ANO4: variants seen among roughly 807,000 people sequenced by gnomAD.
ANO4 encodes anoctamin 4, also known as anoctamin-4.
In ANO4, 69 loss-of-function variants were observed where a neutral mutation model predicts 141.9. The observed-to-expected ratio is 0.49, with a 90% CI of 0.40 to 0.59. The LOEUF is 0.59. ANO4 is among the 20% of genes least tolerant of loss of function. The pLI, the probability that ANO4 is intolerant of heterozygous loss-of-function variation, is 0.00. For synonymous variants in ANO4, 350 were observed against 394.3 expected (o/e 0.89, Z 1.33); for missense variants, 894 against 1,162.2 (o/e 0.77, Z 3.36).
chr12:101,043,045 C>G lies in ANO4; in HGVS notation c.1155-494C>G, dbSNP rs146739343. On this transcript the variant is annotated intron_variant, in intron 12 of 27. Transcript: ENST00000392977. ...AGTGAGTGATTAAGCCTTCCACCTA[C>G]GAAAACATTTTACTTTCTGGTGAAA... 3.3e-5 allele frequency among the ~76,000 whole-genome samples: 5 copies of G among 152,284 alleles called. No homozygotes were observed. In the East Asian group the frequency reaches 7.7e-4, roughly 23 times the overall value.
At chr12:100,971,211 C>T (rs1407304181) in intron 5 of ANO4, 95 bp from the exon 6 acceptor site, 4 of 775,224 alleles carry the variant, frequency 5.2e-6, no homozygotes, top group African/African-American at 1.7e-5. Flanking sequence ...AAATCATAAA[C>T]TCTGTCCAGG....
At chr12:101,076,590 C>T (rs1405535799) in intron 14 of ANO4, among the ~76,000 whole-genome samples, 1 of 152,150 alleles carries the variant, frequency 6.6e-6, no homozygotes, top group Non-Finnish European at 1.5e-5. Context: ...AGTCAGTTCC[C>T]TCAGATGAGA....
chr12:101,112,049 A>C (rs1018091437), intron 24 of ANO4, among the ~76,000 whole-genome samples: 1 of 152,140 alleles, frequency 6.6e-6, no homozygotes, highest in Non-Finnish European at 1.5e-5. Context: ...GTATACCAAA[A>C]CAGTAGCATA....
In ANO4 at chr12:100,880,252, C is replaced by G. The variant is rs1337588620; in HGVS notation, c.-140-21394C>G. ...CTGGTATCTGAGCTTCTCTAGAAGG[C>G]TGAAGTTAAATTCTATAGGTCATGT... On this transcript the variant is annotated intron_variant, in intron 1 of 27. Transcript: ENST00000392977. 6.6e-5 allele frequency among the ~76,000 whole-genome samples: 10 copies of G among 152,134 alleles called. 1 individual carries two copies. The highest frequency in any genetic ancestry group is 5.2e-4 in the Admixed American group (8 of 15,256).
At chr12:100,885,277 T>C (rs1177776712) in intron 1 of ANO4, among the ~76,000 whole-genome samples, 1 of 152,242 alleles carries the variant, frequency 6.6e-6, no homozygotes, top group African/African-American at 2.4e-5. Context: ...GAGCCATCAT[T>C]CTGTCTACCA....
At chr12:101,019,487 A>G (rs1466789951) in intron 8 of ANO4, among the ~76,000 whole-genome samples, 1 of 152,172 alleles carries the variant, frequency 6.6e-6, no homozygotes, top group African/African-American at 2.4e-5. Context: ...GTGCTTTAGA[A>G]GAAAGATCCT....
At chr12:100,722,249 C>T (rs2030900470) in intron 1 of ANO4, among the ~76,000 whole-genome samples, 1 of 152,124 alleles carries the variant, frequency 6.6e-6, no homozygotes. Flanking sequence ...TCCAGGCCAC[C>T]ATCATTGCCC....
intron 3 of ANO4, among the ~76,000 whole-genome samples, chr12:100,785,339 C>T (rs905440399): frequency 2.6e-5 from 4 of 152,150 alleles, no homozygotes; most frequent in Non-Finnish European, 4.4e-5. Flanking sequence ...ATGCATCCAC[C>T]ATCATGGTTT....
intron 8 of ANO4, among the ~76,000 whole-genome samples, chr12:100,992,367 A>G (rs1444269877): frequency 6.6e-6 from 1 of 152,130 alleles, no homozygotes; most frequent in Non-Finnish European, 1.5e-5. Flanking sequence ...AGACACATGC[A>G]GCCTCTCCTC....
At chr12:101,053,207 G>A (rs772559770) in intron 14 of ANO4, among the ~76,000 whole-genome samples, 4 of 152,178 alleles carry the variant, frequency 2.6e-5, no homozygotes, top group Non-Finnish European at 5.9e-5. Context: ...AAGCAGAAAA[G>A]GTTCACCCAA....
At chr12:100,904,639 G>T (rs992059450) in intron 2 of ANO4, among the ~76,000 whole-genome samples, 1 of 152,108 alleles carries the variant, frequency 6.6e-6, no homozygotes, top group Non-Finnish European at 1.5e-5. Flanking sequence ...GTGAGGTGGG[G>T]AATCAACTCA....
intron 5 of ANO4, among the ~76,000 whole-genome samples, chr12:100,949,870 A>T (rs2042898599): frequency 6.6e-6 from 1 of 152,178 alleles, no homozygotes; most frequent in African/African-American, 2.4e-5. Flanking sequence ...AACAATAGTA[A>T]CAACAACAAC....
chr12:101,125,348 A>C (rs563199912), intron 26 of ANO4, among the ~76,000 whole-genome samples: 2 of 152,290 alleles, frequency 1.3e-5, no homozygotes, highest in South Asian at 2.1e-4. Context: ...GTTGCTTATC[A>C]GCTTAAGAAG....
chr12:100,915,029 C>T (rs188493415), intron 2 of ANO4, among the ~76,000 whole-genome samples: 134 of 152,046 alleles, frequency 8.8e-4, no homozygotes, highest in African/African-American at 3.1e-3. Flanking sequence ...CTATATTGCT[C>T]AGGTAGGTCT....
At chr12:100,752,735 T>C (rs2032440148) in intron 3 of ANO4, among the ~76,000 whole-genome samples, 1 of 152,210 alleles carries the variant, frequency 6.6e-6, no homozygotes, top group African/African-American at 2.4e-5. Flanking sequence ...GGCAAAGATG[T>C]GATCCCTCAA....
intron 1 of ANO4, among the ~76,000 whole-genome samples, chr12:100,875,004 A>G (rs796190015): frequency 5.9e-5 from 9 of 152,176 alleles, no homozygotes; most frequent in African/African-American, 2.2e-4. Flanking sequence ...GCCTTGTCTC[A>G]GATGAGACTT....
At chr12:100,820,920 G>C (rs544509425) in intron 1 of ANO4, among the ~76,000 whole-genome samples, 1 of 152,030 alleles carries the variant, frequency 6.6e-6, no homozygotes, top group Non-Finnish European at 1.5e-5. Flanking sequence ...TTTGCACTGT[G>C]CTCAGCTGGG....
chr12:100,877,675 A>G (rs821852), intron 1 of ANO4, among the ~76,000 whole-genome samples: 36,870 of 151,832 alleles, frequency 0.24, 5,114 homozygotes, highest in African/African-American at 0.39. Context: ...TTTTGTGAAT[A>G]TCCATTTGCT....
intron 1 of ANO4, among the ~76,000 whole-genome samples, chr12:100,814,685 G>A (rs1327408512): frequency 1.3e-5 from 2 of 152,010 alleles, no homozygotes; most frequent in African/African-American, 2.4e-5. Context: ...TACCTATTTA[G>A]AACATACAAA....
Sources: allele counts gnomAD v4.1 joint callset (sites outside exome capture counted in the v4.1 genomes callset), GRCh38; gene constraint gnomAD v4.1.1; transcripts MANE v1.5; gene names NCBI Gene and HGNC (gene_info 2026-07-23, HGNC 2026-07-21).